The following SUSD3 variants were observed in gnomAD, a reference collection of about 807,000 sequenced individuals.
The protein encoded by SUSD3 is sushi domain-containing protein 3.
Under a neutral mutation model 20.6 loss-of-function variants are expected in SUSD3, and 18 were observed. That is an observed-to-expected ratio of 0.87 (90% CI 0.60 to 1.30). SUSD3 has a LOEUF of 1.30. Among genes scored for constraint, SUSD3 ranks in the 50% most tolerant of loss-of-function variants. The probability of loss-of-function intolerance (pLI) is 0.00; values close to 1 mark genes in which losing one functional copy is unlikely to be tolerated. For missense variants in SUSD3, 306 were observed against 346.9 expected (o/e 0.88, Z 0.94); for synonymous variants, 137 against 141.5 (o/e 0.97, Z 0.23).
intron 1 of SUSD3, among the ~76,000 whole-genome samples, chr9:93,061,861 TGAGA>T: frequency 6.6e-6 from 1 of 152,044 alleles, no homozygotes; most frequent in East Asian, 1.9e-4. Flanking sequence ...CGAGTCTAGG[TGAGA>T]CTGGGTTCAG....
intron 4 of SUSD3, among the ~76,000 whole-genome samples, chr9:93,080,724 C>T (rs975741820): frequency 2.0e-5 from 3 of 152,244 alleles, no homozygotes; most frequent in African/African-American, 7.2e-5. Flanking sequence ...ACTGTCTCAG[C>T]GGCCTCTGAC....
chr9:93,072,146 G>A (rs1825935404), intron 1 of SUSD3, among the ~76,000 whole-genome samples: 2 of 151,964 alleles, frequency 1.3e-5, no homozygotes, highest in Non-Finnish European at 2.9e-5. Context: ...ATCCCTCCCA[G>A]AAAAGTACAC....
chr9:93,073,144 A>G (rs1428318609), intron 1 of SUSD3, among the ~76,000 whole-genome samples: 46 of 151,702 alleles, frequency 3.0e-4, no homozygotes, highest in Non-Finnish European at 8.8e-5. Flanking sequence ...GCCGAGGGAG[A>G]CAGGCACAGA....
chr9:93,077,826 G>A lies in SUSD3; in HGVS notation c.278-20G>A. ...TCTGGGCAAACCTCGCCCAGGAGCT[G>A]GTGGTTGTCTCCCACACAGTGGTGC... On this transcript the variant is annotated intron_variant, in intron 2 of 4. Transcript: ENST00000375472. The A allele has an allele frequency of 6.2e-7, 1 of 1,613,786 alleles. No individual in the cohort carries two copies. Among genetic ancestry groups the A allele is most frequent in the Non-Finnish European group, 8.5e-7 (1 of 1,179,770 alleles).
rs181810539 is a variant in SUSD3 at position 93,084,795 on chromosome 9, G to A, written c.*48G>A. On this transcript the variant is annotated 3_prime_UTR_variant, in exon 5 of 5. Transcript: ENST00000375472. The stretch of plus-strand genomic sequence containing the variant: ...ATGCTCCACACTGGGAGGCCAGGCT[G>A]ACCCCACCAGCCAGTCAGCTACAAC... 1.9e-5 allele frequency: 27 copies of A among 1,422,090 alleles called. No homozygotes were observed. The African/African-American group carries it at 2.5e-4, about 13-fold the overall frequency. The allele number at this position is 1,422,090 out of a possible 1,614,324, so 88.1% of individuals were successfully genotyped here.
At chr9:93,082,688 C>G (rs1245979758) in intron 4 of SUSD3, among the ~76,000 whole-genome samples, 1 of 152,114 alleles carries the variant, frequency 6.6e-6, no homozygotes, top group Non-Finnish European at 1.5e-5. Flanking sequence ...AGTGAGATAT[C>G]CAAAGCCACT....
At position 93,075,651 on chromosome 9, in the gene SUSD3, G is replaced by A. The variant is rs999356924; in HGVS notation, c.89-133G>A. On this transcript the variant is annotated intron_variant, in intron 1 of 4. Coordinates refer to ENST00000375472, the MANE Select transcript of SUSD3 (RefSeq NM_145006.4). The stretch of plus-strand genomic sequence containing the variant: ...CATGTGACCTCTAGAGCATCCAATG[G>A]CCTTTGGAGCTGCACCCCACCCCTG... The A allele has an allele frequency of 1.4e-5, 9 of 652,162 alleles. No homozygotes were observed. The African/African-American group carries it at 1.7e-4, about 12-fold the overall frequency. The allele number at this position is 652,162 out of a possible 1,614,324, so 40.4% of individuals were successfully genotyped here.
intron 4 of SUSD3, among the ~76,000 whole-genome samples, chr9:93,080,339 A>AC (rs1491054081): frequency 2.9e-4 from 43 of 146,342 alleles, no homozygotes; most frequent in Non-Finnish European, 5.2e-4. Flanking sequence ...AAAAAAAAAA[A>AC]ACAAAACTAA....
chr9:93,073,544 G>A (rs566580823), intron 1 of SUSD3, among the ~76,000 whole-genome samples: 11 of 152,198 alleles, frequency 7.2e-5, no homozygotes, highest in South Asian at 2.1e-4. Flanking sequence ...CACCGTGCCC[G>A]TCCTGTCCCT....
intron 1 of SUSD3, 49 bp from the exon 2 acceptor site, chr9:93,075,735 T>TTCCCCCCCCCCCCCCCC: frequency 6.1e-5 from 15 of 247,424 alleles, no homozygotes; most frequent in South Asian, 1.6e-4. Context: ...CTGCCCTGCG[T>TTCCCCCCCCCCCCCCCC]GCCCACCCCC....
chr9:93,084,696 T>C lies in SUSD3; in HGVS notation c.717T>C (p.Ser239=). 1 of 1,601,756 alleles carries C rather than the reference T, an allele frequency of 6.2e-7. No individual in the cohort carries two copies. Among genetic ancestry groups the C allele is most frequent in the Non-Finnish European group, 8.5e-7 (1 of 1,173,702 alleles). ...MANPRQPLPA[S]GLATGMPQQP... is the part of the protein sequence containing the mutation. ...ACCCCAGACAGCCCCTGCCTGCCTC[T>C]GGGCTGGCCACAGGAATGCCACAAC... Residue 239 remains serine, a synonymous_variant, in exon 5 of 5, where the codon TCT becomes TCC. Coordinates refer to ENST00000375472, the MANE Select transcript of SUSD3 (RefSeq NM_145006.4).
rs149956565 is a variant in SUSD3 at position 93,075,267 on chromosome 9, C to T, written c.89-517C>T. Among the ~76,000 whole-genome samples, 8 of 152,222 alleles carry T rather than the reference C, an allele frequency of 5.3e-5. No individual in the cohort carries two copies. In the East Asian group the frequency reaches 1.2e-3, roughly 22 times the overall value. ...AGACCTCTTCATAGATTAAGACTAC[C>T]GAACCAACCTTTGACCTATGCTTTC... On this transcript the variant is annotated intron_variant, in intron 1 of 4. Transcript: ENST00000375472.
chr9:93,069,265 T>C (rs1825827358), intron 1 of SUSD3: 1 of 633,160 alleles, frequency 1.6e-6, no homozygotes, highest in Non-Finnish European at 2.9e-6. Flanking sequence ...TCAGACCCCC[T>C]GATACTGCAG....
At chr9:93,071,967 A>C (rs1359950612) in intron 1 of SUSD3, among the ~76,000 whole-genome samples, 1 of 152,106 alleles carries the variant, frequency 6.6e-6, no homozygotes, top group African/African-American at 2.4e-5. Context: ...TCTCAGTTCC[A>C]TCCCTACCAC....
intron 2 of SUSD3, among the ~76,000 whole-genome samples, chr9:93,077,244 T>C (rs773902040): frequency 5.3e-5 from 8 of 152,122 alleles, no homozygotes; most frequent in Non-Finnish European, 1.0e-4. Context: ...GAAAGTGACC[T>C]GAGAAGGCAT....
Position 93,085,004 on chromosome 9 carries a change from A to T in SUSD3, c.*257A>T, listed in dbSNP as rs1310042859. ...TATGGACTACTTGAAACCACTACTG[A>T]GGGTAATTTACTAGCTGTGGCCTCC... is the stretch of plus-strand genomic sequence containing the variant. On this transcript the variant is annotated 3_prime_UTR_variant, in exon 5 of 5. Transcript: ENST00000375472. The surrounding 1 kb of genome is among the most constrained non-coding windows in gnomAD (Gnocchi z 4.3). 1 of 369,238 alleles carries T rather than the reference A, an allele frequency of 2.7e-6. No homozygotes were observed. Among genetic ancestry groups the T allele is most frequent in the Non-Finnish European group, 4.8e-6 (1 of 207,098 alleles). 22.9% of individuals were successfully genotyped at this position (369,238 alleles called of 1,614,324 possible).
intron 1 of SUSD3, among the ~76,000 whole-genome samples, chr9:93,061,535 T>G (rs1825506501): frequency 6.6e-6 from 1 of 152,248 alleles, no homozygotes; most frequent in East Asian, 1.9e-4. Flanking sequence ...GAGGCCACCC[T>G]GCTGCTCAGC....
chr9:93,058,802 C>A lies in SUSD3; in HGVS notation c.60C>A (p.Val20=), dbSNP rs1375306630. The change falls in exon 1 of 5, where the codon GTC becomes GTA. Residue 20 remains valine (V), a synonymous_variant. Transcript: ENST00000375472. ...CGAGGCCCCGGGGGCGGGCCGGGGTCACCACGCCTGCCCCAGGGAACCGCA... is the reference window on the plus strand; with the variant it reads ...CGAGGCCCCGGGGGCGGGCCGGGGTAACCACGCCTGCCCCAGGGAACCGCA... ...GKARPRGRAG[V]TTPAPGNRTG... 8.0e-7 allele frequency: 1 copy of A among 1,249,324 alleles called. No homozygotes were observed. The highest frequency in any genetic ancestry group is 1.0e-6 in the Non-Finnish European group (1 of 996,592). The allele number at this position is 1,249,324 out of a possible 1,614,324, so 77.4% of individuals were successfully genotyped here. A position where few individuals can be genotyped will look rare whatever the true frequency, so the allele number is the denominator to read the frequency against.
At position 93,058,838 on chromosome 9, in the gene SUSD3, C is replaced by G; in HGVS notation, c.88+8C>G. The stretch of plus-strand genomic sequence containing the variant: ...CCCCAGGGAACCGCACAGGTGAGGG[C>G]TGGGGCCGAGTGGCCGCGTGCGGGG... On this transcript the variant is annotated splice_region_variant and intron_variant, in intron 1 of 4. Coordinates refer to ENST00000375472, the MANE Select transcript of SUSD3 (RefSeq NM_145006.4). 1 of 1,267,004 alleles carries G rather than the reference C, an allele frequency of 7.9e-7. No homozygotes were observed. Among genetic ancestry groups the G allele is most frequent in the Non-Finnish European group, 9.9e-7 (1 of 1,005,176 alleles). 78.5% of individuals were successfully genotyped at this position (1,267,004 alleles called of 1,614,324 possible). A position where few individuals can be genotyped will look rare whatever the true frequency, so the allele number is the denominator to read the frequency against.
Sources: gnomAD v4.1 joint callset for allele counts (sites outside exome capture counted in the v4.1 genomes callset) on GRCh38, gnomAD v4.1.1 for gene constraint, Gnocchi (gnomAD v3.1) non-coding constraint, MANE v1.5 for transcripts, NCBI Gene and HGNC (gene_info 2026-07-23, HGNC 2026-07-21) for gene names.